Variants in CDH4 observed in about 807,000 individuals in gnomAD.
CDH4 encodes cadherin-4.
In CDH4, 33 loss-of-function variants were observed where a neutral mutation model predicts 86.0. The observed-to-expected ratio is 0.38, with a 90% CI of 0.29 to 0.51. The LOEUF is 0.51. CDH4 is among the 20% of genes least tolerant of loss of function. The probability of loss-of-function intolerance (pLI) is 0.86; values close to 1 mark genes in which losing one functional copy is unlikely to be tolerated. For missense variants in CDH4, 1,114 were observed against 1,307.4 expected, an observed-to-expected ratio of 0.85 and a Z score of 2.28; for synonymous variants, 555 against 549.4, an observed-to-expected ratio of 1.01 and a Z score of -0.14.
chr20:61,342,582 G>A (rs928662053), intron 2 of CDH4, among the ~76,000 whole-genome samples: 1 of 152,220 alleles, frequency 6.6e-6, no homozygotes, highest in Non-Finnish European at 1.5e-5. Context: ...TACAGAGGAC[G>A]CTTCGTGCAC....
intron 4 of CDH4, among the ~76,000 whole-genome samples, chr20:61,838,987 C>G (rs1203383288): frequency 1.3e-5 from 2 of 152,176 alleles, no homozygotes; most frequent in Non-Finnish European, 2.9e-5. Flanking sequence ...AGCTTTTACT[C>G]CATGGAGAGA....
intron 6 of CDH4, among the ~76,000 whole-genome samples, chr20:61,864,591 G>T (rs948184630): frequency 2.6e-5 from 4 of 152,114 alleles, no homozygotes; most frequent in Non-Finnish European, 5.9e-5. Context: ...AGACACAAGG[G>T]GCCGTGGATC....
chr20:61,828,900 C>T (rs866850352), intron 4 of CDH4, among the ~76,000 whole-genome samples: 9 of 152,346 alleles, frequency 5.9e-5, no homozygotes, highest in African/African-American at 1.4e-4. Flanking sequence ...AGGATGCTTC[C>T]GGGATGAAGC....
At chr20:61,297,897 A>G (rs919922316) in intron 2 of CDH4, among the ~76,000 whole-genome samples, 2 of 152,204 alleles carry the variant, frequency 1.3e-5, no homozygotes, top group African/African-American at 4.8e-5. Context: ...GCGAATGACA[A>G]TCGGGCAGTG....
intron 2 of CDH4, among the ~76,000 whole-genome samples, chr20:61,584,445 C>T (rs189928009): frequency 6.6e-6 from 1 of 152,258 alleles, no homozygotes; most frequent in African/African-American, 2.4e-5. Flanking sequence ...TAGCTCTTCT[C>T]GCCCTAACAG....
chr20:61,829,327 G>A lies in CDH4; in HGVS notation c.577-15341G>A, dbSNP rs560704938. On this transcript the variant is annotated intron_variant, in intron 4 of 15. Transcript: ENST00000614565. The surrounding 1 kb of genome is among the most constrained non-coding windows in gnomAD (Gnocchi z 4.2). The stretch of plus-strand genomic sequence containing the variant: ...TCAAGGTTCAGCCATGCTGCAGCTC[G>A]TATCAGAACCTAGTTCCTTTCAGGG... 2.6e-5 allele frequency among the ~76,000 whole-genome samples: 4 copies of A among 152,344 alleles called. No individual in the cohort carries two copies. The South Asian group carries it at 6.2e-4, about 24-fold the overall frequency.
chr20:61,259,928 A>T (rs1207882864), intron 2 of CDH4, among the ~76,000 whole-genome samples: 1 of 152,196 alleles, frequency 6.6e-6, no homozygotes, highest in Non-Finnish European at 1.5e-5. Context: ...TGGAACTCAG[A>T]TGTGATGGCT....
intron 2 of CDH4, among the ~76,000 whole-genome samples, chr20:61,423,751 C>G (rs1232190575): frequency 1.3e-5 from 2 of 152,124 alleles, no homozygotes; most frequent in Non-Finnish European, 2.9e-5. Flanking sequence ...TTCCTCAGGT[C>G]CTAATGAAAG....
rs573025035 is a variant in CDH4, at chr20:61,506,412, T to C, written c.170-237151T>C. Among the ~76,000 whole-genome samples, 5 of 152,362 alleles carry C rather than the reference T, an allele frequency of 3.3e-5. No individual in the cohort carries two copies. The East Asian group carries it at 9.6e-4, about 29-fold the overall frequency. ...CTACCATTGGTGACCTGGTTCTCAA[T>C]TGTAGCTGGCTTTCTGGGATCTATT... On this transcript the variant is annotated intron_variant, in intron 2 of 15. Transcript: ENST00000614565.
chr20:61,754,330 C>T lies in CDH4; in HGVS notation c.396+10541C>T, dbSNP rs2088532767. Among the ~76,000 whole-genome samples, 1 of 152,144 alleles carries T rather than the reference C, an allele frequency of 6.6e-6. No homozygotes were observed. The highest frequency in any genetic ancestry group is 2.4e-5 in the African/African-American group (1 of 41,428). ...TCCCCGAAGGCAGGGAGGAGTGTCCCCAGCCAGGGGTCCCGCCCAGGGCTC... is the reference window on the plus strand; with the variant it reads ...TCCCCGAAGGCAGGGAGGAGTGTCCTCAGCCAGGGGTCCCGCCCAGGGCTC... On this transcript the variant is annotated intron_variant, in intron 3 of 15. Coordinates refer to ENST00000614565, the MANE Select transcript of CDH4 (RefSeq NM_001794.5). This position sits in a 1 kb window ranked among gnomAD's most constrained non-coding sequence, Gnocchi z 4.7.
chr20:61,759,882 A>C (rs904949590), intron 3 of CDH4, among the ~76,000 whole-genome samples: 2 of 152,104 alleles, frequency 1.3e-5, no homozygotes, highest in African/African-American at 4.8e-5. Flanking sequence ...GGACGCCCCA[A>C]ACAAAGAAGG....
At chr20:61,455,378 A>T (rs898531940) in intron 2 of CDH4, among the ~76,000 whole-genome samples, 48 of 152,222 alleles carry the variant, frequency 3.2e-4, no homozygotes, top group African/African-American at 1.2e-3. Context: ...GAGTGCCTCA[A>T]ATCAGTGTGC....
intron 2 of CDH4, among the ~76,000 whole-genome samples, chr20:61,295,607 C>T (rs892285882): frequency 5.9e-5 from 9 of 152,002 alleles, no homozygotes; most frequent in Non-Finnish European, 8.8e-5. Flanking sequence ...TGGCCCTGGG[C>T]GTCATCCTGC....
intron 2 of CDH4, among the ~76,000 whole-genome samples, chr20:61,492,464 T>A (rs1425258932): frequency 2.6e-5 from 4 of 152,154 alleles, no homozygotes; most frequent in African/African-American, 9.7e-5. Flanking sequence ...TTGATGTTGG[T>A]GATGTTGATG....
At chr20:61,315,317 C>T (rs1253198787) in intron 2 of CDH4, among the ~76,000 whole-genome samples, 2 of 152,152 alleles carry the variant, frequency 1.3e-5, no homozygotes, top group African/African-American at 4.8e-5. Context: ...AGACCGATGC[C>T]TGGTATCCAA....
intron 2 of CDH4, among the ~76,000 whole-genome samples, chr20:61,529,760 A>C (rs1018741965): frequency 6.6e-6 from 1 of 152,280 alleles, no homozygotes; most frequent in East Asian, 1.9e-4. Context: ...TGTCTTCAGA[A>C]CTTCTCGTTC....
intron 2 of CDH4, among the ~76,000 whole-genome samples, chr20:61,453,269 A>T (rs1334541811): frequency 2.0e-5 from 3 of 152,200 alleles, no homozygotes; most frequent in South Asian, 2.1e-4. Flanking sequence ...GAGCAGTGGC[A>T]GTGATGGGGG....
Position 61,565,326 on chromosome 20 carries a change from T to TGGTGATGG in CDH4, c.170-178236_170-178229dup, listed in dbSNP as rs1341455696. Among the ~76,000 whole-genome samples the TGGTGATGG allele has an allele frequency of 2.7e-4, 20 of 72,928 alleles. 2 individuals carry two copies. The highest frequency in any genetic ancestry group is 1.2e-3 in the East Asian group (2 of 1,712). The allele number at this position is 72,928 out of a possible 152,430, so 47.8% of individuals were successfully genotyped here. On this transcript the variant is annotated intron_variant, in intron 2 of 15. Coordinates refer to ENST00000614565, the MANE Select transcript of CDH4 (RefSeq NM_001794.5). ...GTGCTCTTGGTGGTGGCGGTGCTCT[T>TGGTGATGG]GGTGATGGTGGTAGTGGTCCTCTTG...
intron 2 of CDH4, among the ~76,000 whole-genome samples, chr20:61,565,339 AGTGGTCCTCTTGGTGATGGGGTGAT>A (rs2086284080): frequency 2.2e-4 from 2 of 8,950 alleles, no homozygotes; most frequent in East Asian, 4.9e-3. Flanking sequence ...TGATGGTGGT[AGTGGTCCTCTTGGTGATGGGGTGAT>A]GGTGGTGGTG....
Sources: gnomAD v4.1 joint callset for allele counts (sites outside exome capture counted in the v4.1 genomes callset) on GRCh38, gnomAD v4.1.1 for gene constraint, Gnocchi (gnomAD v3.1) non-coding constraint, MANE v1.5 for transcripts, NCBI Gene and HGNC (gene_info 2026-07-23, HGNC 2026-07-21) for gene names.